Variants in RBFOX1 observed in about 807,000 individuals in gnomAD.
RBFOX1 encodes the protein RNA binding fox-1 homolog 1.
Under a neutral mutation model 57.7 loss-of-function variants are expected in RBFOX1, and 8 were observed. The observed-to-expected ratio is 0.14, with a 90% CI of 0.08 to 0.25. The LOEUF (loss-of-function observed/expected upper bound fraction) is 0.25. Ranked by LOEUF, RBFOX1 falls within the 10% of genes least tolerant of loss-of-function variation. RBFOX1 has a pLI of 1.00. For synonymous variants in RBFOX1, 326 were observed against 222.4 expected (o/e 1.47, Z -4.15); for missense variants, 611 against 548.5 (o/e 1.11, Z -1.14).
rs113526811 is a variant in RBFOX1 at position 7,097,845 on chromosome 16, C to G, written c.27+45747C>G. On this transcript the variant is annotated intron_variant, in intron 4 of 15. Coordinates refer to ENST00000550418, the MANE Select transcript of RBFOX1 (RefSeq NM_018723.4). ...TATATGGAAATTTTGAGGTTTCCTGCTGAGTTAGGGAGAAGGGGTTGGGGA... is the reference window on the plus strand; with the variant it reads ...TATATGGAAATTTTGAGGTTTCCTGGTGAGTTAGGGAGAAGGGGTTGGGGA... 3.1e-3 allele frequency among the ~76,000 whole-genome samples: 468 copies of G among 152,242 alleles called. 4 individuals carry two copies. The highest frequency in any genetic ancestry group is 0.011 in the African/African-American group (450 of 41,542).
At chr16:7,099,350 T>C (rs998638714) in intron 4 of RBFOX1, among the ~76,000 whole-genome samples, 4 of 152,174 alleles carry the variant, frequency 2.6e-5, no homozygotes, top group Non-Finnish European at 5.9e-5. Flanking sequence ...CAGCTTCTCC[T>C]CGTAGGATCT....
At chr16:7,095,205 C>G (rs1480765030) in intron 4 of RBFOX1, among the ~76,000 whole-genome samples, 1 of 152,172 alleles carries the variant, frequency 6.6e-6, no homozygotes, top group Non-Finnish European at 1.5e-5. Context: ...GGCACGATCT[C>G]AGCTCACTGC....
intron 4 of RBFOX1, among the ~76,000 whole-genome samples, chr16:7,358,792 C>T (rs967132215): frequency 6.6e-6 from 1 of 151,868 alleles, no homozygotes; most frequent in Non-Finnish European, 1.5e-5. Flanking sequence ...ATGACAAAGC[C>T]CAGAAAGTAG....
At chr16:7,013,830 T>A (rs897243638) in intron 3 of RBFOX1, among the ~76,000 whole-genome samples, 3 of 152,082 alleles carry the variant, frequency 2.0e-5, no homozygotes, top group African/African-American at 4.8e-5. Flanking sequence ...GTTAATTTTT[T>A]AAAAACTTGT....
chr16:7,292,463 A>G (rs1448135128), intron 4 of RBFOX1, among the ~76,000 whole-genome samples: 1 of 144,374 alleles, frequency 6.9e-6, no homozygotes, highest in East Asian at 2.0e-4. Flanking sequence ...TGTATTATAT[A>G]TAATATATAA....
chr16:5,614,233 A>G (rs1423040108), intron 3 of RBFOX1, among the ~76,000 whole-genome samples: 2 of 152,110 alleles, frequency 1.3e-5, no homozygotes, highest in African/African-American at 4.8e-5. Context: ...GAGACTGCAG[A>G]CATTTTTAAA....
chr16:5,253,191 C>T (rs2062498936), intron 1 of RBFOX1, among the ~76,000 whole-genome samples: 1 of 151,692 alleles, frequency 6.6e-6, no homozygotes, highest in South Asian at 2.1e-4. Flanking sequence ...CTTTTGTTGC[C>T]CAGGCTGGAG....
chr16:7,368,069 C>A (rs1568449702), intron 4 of RBFOX1, among the ~76,000 whole-genome samples: 1 of 151,946 alleles, frequency 6.6e-6, no homozygotes, highest in South Asian at 2.1e-4. Flanking sequence ...GGGTTTGAGA[C>A]CAGCCTGGCC....
chr16:6,051,931 T>G (rs551330101), intron 1 of RBFOX1, among the ~76,000 whole-genome samples: 1 of 152,072 alleles, frequency 6.6e-6, no homozygotes, highest in Non-Finnish European at 1.5e-5. Context: ...CCAGTTCCAC[T>G]GCCAGAGTCA....
At chr16:6,969,933 A>C (rs1346704520) in intron 3 of RBFOX1, among the ~76,000 whole-genome samples, 1 of 152,112 alleles carries the variant, frequency 6.6e-6, no homozygotes, top group Non-Finnish European at 1.5e-5. Flanking sequence ...GATTTCCCAC[A>C]TACAGAAATG....
At chr16:6,973,407 C>G (rs372008199) in intron 3 of RBFOX1, among the ~76,000 whole-genome samples, 1 of 152,142 alleles carries the variant, frequency 6.6e-6, no homozygotes, top group Non-Finnish European at 1.5e-5. Flanking sequence ...ACACATCAGT[C>G]AATCAGGAAG....
chr16:7,321,287 G>C (rs1362318981), intron 4 of RBFOX1, among the ~76,000 whole-genome samples: 2 of 152,036 alleles, frequency 1.3e-5, no homozygotes, highest in East Asian at 3.9e-4. Context: ...TGGGATTACA[G>C]GTGTGTGCCA....
intron 2 of RBFOX1, among the ~76,000 whole-genome samples, chr16:6,501,712 C>G (rs1239458419): frequency 6.6e-6 from 1 of 152,116 alleles, no homozygotes; most frequent in Non-Finnish European, 1.5e-5. Context: ...TTCACCCAGT[C>G]CACTGACCTG....
intron 3 of RBFOX1, among the ~76,000 whole-genome samples, chr16:6,940,442 A>C (rs1403515361): frequency 1.3e-5 from 2 of 152,226 alleles, no homozygotes; most frequent in Non-Finnish European, 2.9e-5. Flanking sequence ...CTCTGTCCAC[A>C]CAGCAAAAAC....
intron 4 of RBFOX1, among the ~76,000 whole-genome samples, chr16:7,327,906 G>A (rs716567): frequency 6.6e-6 from 1 of 151,792 alleles, no homozygotes; most frequent in African/African-American, 2.4e-5. Context: ...TGCAGGTTGC[G>A]ATGTTGACCG....
At chr16:5,529,833 G>C (rs1316029867) in intron 2 of RBFOX1, among the ~76,000 whole-genome samples, 2 of 152,112 alleles carry the variant, frequency 1.3e-5, no homozygotes, top group Non-Finnish European at 2.9e-5. Context: ...TTCCCAAAGT[G>C]CTGGAATTAC....
At chr16:6,749,782 T>C (rs1320454623) in intron 3 of RBFOX1, among the ~76,000 whole-genome samples, 1 of 152,226 alleles carries the variant, frequency 6.6e-6, no homozygotes, top group Non-Finnish European at 1.5e-5. Flanking sequence ...AGCAGCCTTA[T>C]GATTAAAATC....
At chr16:6,027,329 C>T (rs2152377735) in intron 1 of RBFOX1, among the ~76,000 whole-genome samples, 1 of 152,188 alleles carries the variant, frequency 6.6e-6, no homozygotes, top group South Asian at 2.1e-4. Flanking sequence ...CAGACTCAAG[C>T]AGTTCTCTTC....
intron 4 of RBFOX1, chr16:7,422,700 G>A (rs1413720565): frequency 1.3e-5 from 2 of 152,124 alleles, no homozygotes; most frequent in African/African-American, 4.8e-5. Flanking sequence ...GTATAGGAGT[G>A]AGGAGAGGCG....
Sources: gnomAD v4.1 joint callset for allele counts (sites outside exome capture counted in the v4.1 genomes callset) on GRCh38, gnomAD v4.1.1 for gene constraint, MANE v1.5 for transcripts, NCBI Gene and HGNC (gene_info 2026-07-23, HGNC 2026-07-21) for gene names.